The following NBEA variants were observed in gnomAD, a reference collection of about 807,000 sequenced individuals.
The protein encoded by NBEA is lysosomal-trafficking regulator 2.
In NBEA, 44 loss-of-function variants were observed where a neutral mutation model predicts 343.4. That is an observed-to-expected ratio of 0.13 (90% CI 0.10 to 0.16). The LOEUF is 0.16. NBEA is among the 10% of genes least tolerant of loss of function. NBEA has a pLI of 1.00. For synonymous variants in NBEA, 1,175 were observed against 1,238.7 expected (o/e 0.95, Z 1.08); for missense variants, 2,555 against 3,631.3 (o/e 0.70, Z 7.62).
chr13:35,384,069 A>T (rs886526193), intron 38 of NBEA, among the ~76,000 whole-genome samples: 2 of 152,104 alleles, frequency 1.3e-5, no homozygotes, highest in Non-Finnish European at 2.9e-5. Flanking sequence ...AAAAGGAAAG[A>T]GATTCTAATA....
chr13:35,172,978 A>T (rs2070586887), intron 26 of NBEA, among the ~76,000 whole-genome samples: 1 of 152,130 alleles, frequency 6.6e-6, no homozygotes, highest in Admixed American at 6.6e-5. Flanking sequence ...AGGAAGGTGA[A>T]TTTGGGGACC....
chr13:35,383,465 A>T (rs2042103570), intron 38 of NBEA, among the ~76,000 whole-genome samples: 1 of 152,128 alleles, frequency 6.6e-6, no homozygotes, highest in South Asian at 2.1e-4. Context: ...TACCCAGGGG[A>T]ATGATTGTCA....
chr13:35,582,956 T>C (rs2081124633), intron 45 of NBEA, among the ~76,000 whole-genome samples: 2 of 152,224 alleles, frequency 1.3e-5, no homozygotes, highest in African/African-American at 4.8e-5. Flanking sequence ...ATTATAAATA[T>C]TAAATTTTGA....
At chr13:35,486,558 G>T (rs1380992767) in intron 41 of NBEA, among the ~76,000 whole-genome samples, 1 of 151,974 alleles carries the variant, frequency 6.6e-6, no homozygotes, top group Non-Finnish European at 1.5e-5. Context: ...AAGAGACTGA[G>T]GTTTAGAAAG....
At chr13:35,535,537 C>A (rs2078496342) in intron 41 of NBEA, among the ~76,000 whole-genome samples, 1 of 152,110 alleles carries the variant, frequency 6.6e-6, no homozygotes, top group Non-Finnish European at 1.5e-5. Context: ...ACTGAGGGTT[C>A]ACTAAGGTCT....
intron 5 of NBEA, 60 bp downstream of exon 5, chr13:35,048,744 A>G (rs2062953903): frequency 2.0e-6 from 2 of 982,456 alleles, no homozygotes; most frequent in African/African-American, 1.6e-5. Context: ...CTATAAATGT[A>G]TAGTCTCAAG....
At chr13:35,550,450 C>T in intron 41 of NBEA, 27 bp from the exon 42 acceptor site, 1 of 1,328,594 alleles carries the variant, frequency 7.5e-7, no homozygotes, top group Non-Finnish European at 1.1e-6. Context: ...TATTGATTGA[C>T]ACTTCCCTTT....
chr13:35,075,490 A>G (rs1402013284), intron 10 of NBEA, among the ~76,000 whole-genome samples: 3 of 152,066 alleles, frequency 2.0e-5, no homozygotes, highest in African/African-American at 7.2e-5. Context: ...TAGGAAAAGC[A>G]TTTTTTAAAA....
rs540030924 is a variant in NBEA, at chr13:35,490,022, C to T, written c.6585+17486C>T. On this transcript the variant is annotated intron_variant, in intron 41 of 58. Transcript: ENST00000379939. Reference sequence around the variant, plus strand: ...TAGTCAGTGATTCAGTGGCCTGTAACGCTGTAAATCCCATCAACTTGCTTT... The same window carrying T: ...TAGTCAGTGATTCAGTGGCCTGTAATGCTGTAAATCCCATCAACTTGCTTT... Among the ~76,000 whole-genome samples the T allele has an allele frequency of 7.2e-5, 11 of 151,854 alleles. 1 individual carries two copies. The highest frequency in any genetic ancestry group is 1.2e-4 in the Non-Finnish European group (8 of 67,910).
At chr13:34,993,761 G>C (rs2152518536) in intron 1 of NBEA, among the ~76,000 whole-genome samples, 1 of 152,250 alleles carries the variant, frequency 6.6e-6, no homozygotes, top group Non-Finnish European at 1.5e-5. Flanking sequence ...TATGCACTTA[G>C]TCTGTTACAA....
intron 8 of NBEA, among the ~76,000 whole-genome samples, chr13:35,063,731 G>T (rs185664264): frequency 6.6e-6 from 1 of 152,114 alleles, no homozygotes; most frequent in East Asian, 1.9e-4. Flanking sequence ...TAGTTAGGGG[G>T]CTGTTGCAGT....
chr13:35,104,315 G>C (rs143179362), intron 11 of NBEA, among the ~76,000 whole-genome samples: 1 of 151,790 alleles, frequency 6.6e-6, no homozygotes, highest in Non-Finnish European at 1.5e-5. Context: ...TGCTAATTTT[G>C]CAGCACCATT....
At position 35,179,555 on chromosome 13, in the gene NBEA, T is replaced by TA. The variant is rs550050373; in HGVS notation, c.4662+2462dup. On this transcript the variant is annotated intron_variant, in intron 28 of 58. Coordinates refer to ENST00000379939, the MANE Select transcript of NBEA (RefSeq NM_001385012.1). ...TTAAAAAAAAATAAAAAATAAAAAATAAAAAAAAAAGCTAACTCTTTTCAT... is the reference window on the plus strand; with the variant it reads ...TTAAAAAAAAATAAAAAATAAAAAATAAAAAAAAAAAGCTAACTCTTTTCAT... 6.4e-4 allele frequency among the ~76,000 whole-genome samples: 94 copies of TA among 146,880 alleles called. No homozygotes were observed. In the South Asian group the frequency reaches 0.016, roughly 25 times the overall value.
intron 1 of NBEA, among the ~76,000 whole-genome samples, chr13:34,983,097 G>T (rs545377350): frequency 5.9e-5 from 9 of 152,214 alleles, no homozygotes; most frequent in African/African-American, 1.9e-4. Context: ...AGGTATACAT[G>T]TGCCATGTTG....
intron 36 of NBEA, among the ~76,000 whole-genome samples, chr13:35,321,334 T>G (rs151191556): frequency 7.2e-5 from 11 of 152,300 alleles, no homozygotes; most frequent in African/African-American, 2.4e-4. Flanking sequence ...TAGTTTTCCT[T>G]CTAAGAGTCA....
chr13:35,251,231 T>G (rs979939971), intron 34 of NBEA: 1 of 279,996 alleles, frequency 3.6e-6, no homozygotes, highest in Non-Finnish European at 6.3e-6. Context: ...ACCAATGGCA[T>G]TCCACTGCTG....
intron 38 of NBEA, among the ~76,000 whole-genome samples, chr13:35,383,258 G>C (rs1401767751): frequency 6.6e-6 from 1 of 152,118 alleles, no homozygotes; most frequent in Non-Finnish European, 1.5e-5. Flanking sequence ...GAATTTTTAA[G>C]AGCATTCAGA....
intron 34 of NBEA, among the ~76,000 whole-genome samples, chr13:35,237,688 CT>C (rs1424916130): frequency 6.6e-6 from 1 of 152,092 alleles, no homozygotes; most frequent in Non-Finnish European, 1.5e-5. Flanking sequence ...ATTTAGGTAA[CT>C]GAAGATACTT....
intron 38 of NBEA, among the ~76,000 whole-genome samples, chr13:35,405,270 T>G (rs1408088437): frequency 1.3e-5 from 2 of 152,102 alleles, no homozygotes; most frequent in Non-Finnish European, 2.9e-5. Context: ...AACTGTTACA[T>G]CCATATGAAT....
Sources: allele counts gnomAD v4.1 joint callset (sites outside exome capture counted in the v4.1 genomes callset), GRCh38; gene constraint gnomAD v4.1.1; transcripts MANE v1.5; gene names NCBI Gene and HGNC (gene_info 2026-07-23, HGNC 2026-07-21).